The following ATF7IP2 variants were observed in gnomAD, a reference collection of about 807,000 sequenced individuals.
ATF7IP2 encodes the protein activating transcription factor 7-interacting protein 2.
Under a neutral mutation model 64.2 loss-of-function variants are expected in ATF7IP2, and 42 were observed. The observed-to-expected ratio is 0.65, with a 90% CI of 0.51 to 0.85. The LOEUF (loss-of-function observed/expected upper bound fraction) is 0.85, where lower values mean the gene tolerates loss of function less well. Ranked by LOEUF, ATF7IP2 falls within the 40% of genes least tolerant of loss-of-function variation. ATF7IP2 has a pLI of 0.00. For missense variants in ATF7IP2, 933 were observed against 784.2 expected, an observed-to-expected ratio of 1.19 and a Z score of -2.27; for synonymous variants, 308 against 272.8, an observed-to-expected ratio of 1.13 and a Z score of -1.27.
At chr16:10,465,952 G>A (rs1206475641) in intron 9 of ATF7IP2, among the ~76,000 whole-genome samples, 3 of 152,152 alleles carry the variant, frequency 2.0e-5, no homozygotes, top group African/African-American at 7.2e-5. Flanking sequence ...TACATGAACA[G>A]TATGTTAGCC....
intron 12 of ATF7IP2, among the ~76,000 whole-genome samples, chr16:10,477,007 G>A (rs138956897): frequency 6.6e-5 from 10 of 152,178 alleles, no homozygotes; most frequent in Non-Finnish European, 1.2e-4. Flanking sequence ...ATTCCTTTGG[G>A]TAAATACCCA....
chr16:10,481,129 T>C (rs1185800748), intron 13 of ATF7IP2, among the ~76,000 whole-genome samples, 165 bp downstream of exon 13: 2 of 152,226 alleles, frequency 1.3e-5, no homozygotes, highest in African/African-American at 4.8e-5. Flanking sequence ...CAGTTGAGTT[T>C]TACAGAAGCT....
intron 8 of ATF7IP2, among the ~76,000 whole-genome samples, chr16:10,452,972 T>G (rs1041963864): frequency 3.3e-5 from 5 of 152,160 alleles, no homozygotes; most frequent in Non-Finnish European, 5.9e-5. Flanking sequence ...CTCAGACTGC[T>G]GTGCTGGCAG....
rs193117403 is a variant in ATF7IP2, at chr16:10,417,997, C to T, written c.-202-1584C>T. On this transcript the variant is annotated intron_variant, in intron 2 of 13. Transcript: ENST00000562102. ...CCAGTGGCACTAGAGGAATTAAAGA[C>T]ACACACACAGAAATATAGAGTGCGG... Among the ~76,000 whole-genome samples, 245 of 152,276 alleles carry T rather than the reference C, an allele frequency of 1.6e-3. 1 individual carries two copies. The highest frequency in any genetic ancestry group is 5.5e-3 in the African/African-American group (230 of 41,568).
chr16:10,448,263 T>C (rs917795050), intron 8 of ATF7IP2: 1 of 152,266 alleles, frequency 6.6e-6, no homozygotes, highest in Non-Finnish European at 1.5e-5. Flanking sequence ...GGGCTCTTTT[T>C]TGGTTCCATA....
chr16:10,481,876 C>T lies in ATF7IP2; in HGVS notation c.1676C>T (p.Pro559Leu), dbSNP rs1471745382. 1 of 1,608,040 alleles carries T rather than the reference C, an allele frequency of 6.2e-7. No individual in the cohort carries two copies. Among genetic ancestry groups the T allele is most frequent in the Non-Finnish European group, 8.5e-7 (1 of 1,178,210 alleles). Residue 559 changes from proline to leucine, a missense_variant, in exon 14 of 14, where the codon CCA becomes CTA. Pro to Leu is a moderately conservative substitution (Grantham distance 98, BLOSUM62 -3). Coordinates refer to ENST00000562102, the MANE Select transcript of ATF7IP2 (RefSeq NM_001393719.1). ...SFEHLPPLPE[P>L]PAPLPELVDK... is the part of the protein sequence containing the mutation. ...GAGCACCTGCCACCTCTCCCAGAACCACCAGCACCACTACCTGAATTAGTA... is the reference window on the plus strand; with the variant it reads ...GAGCACCTGCCACCTCTCCCAGAACTACCAGCACCACTACCTGAATTAGTA...
At chr16:10,475,605 A>G (rs1348895313) in intron 12 of ATF7IP2, among the ~76,000 whole-genome samples, 1 of 150,238 alleles carries the variant, frequency 6.7e-6, no homozygotes, top group Non-Finnish European at 1.5e-5. Flanking sequence ...AGGCAGGAGA[A>G]TGGCGCGAAC....
chr16:10,390,525 G>A (rs2047301022), intron 1 of ATF7IP2, among the ~76,000 whole-genome samples: 1 of 152,174 alleles, frequency 6.6e-6, no homozygotes. Context: ...ACTCATGCCT[G>A]TAATCCCACC....
At chr16:10,464,022 A>G (rs2049465461) in intron 9 of ATF7IP2, among the ~76,000 whole-genome samples, 1 of 152,178 alleles carries the variant, frequency 6.6e-6, no homozygotes, top group African/African-American at 2.4e-5. Flanking sequence ...GGCTGGGTTG[A>G]CAAATGCCTT....
At chr16:10,397,704 C>G (rs2047446637) in intron 1 of ATF7IP2, among the ~76,000 whole-genome samples, 1 of 151,868 alleles carries the variant, frequency 6.6e-6, no homozygotes, top group African/African-American at 2.4e-5. Context: ...TGGCAAAACC[C>G]TGTCTCTGCA....
intron 1 of ATF7IP2, among the ~76,000 whole-genome samples, chr16:10,407,305 C>A (rs965382888): frequency 1.3e-5 from 2 of 152,130 alleles, no homozygotes; most frequent in Admixed American, 6.6e-5. Context: ...AACTACAAAC[C>A]TTTGGTTTAA....
At position 10,401,390 on chromosome 16, in the gene ATF7IP2, G is replaced by A. The variant is rs558183651; in HGVS notation, c.-241-13184G>A. Among the ~76,000 whole-genome samples the A allele has an allele frequency of 3.9e-5, 6 of 152,058 alleles. No homozygotes were observed. The South Asian group carries it at 8.3e-4, about 21-fold the overall frequency. On this transcript the variant is annotated intron_variant, in intron 1 of 13. Coordinates refer to ENST00000562102, the MANE Select transcript of ATF7IP2 (RefSeq NM_001393719.1). ...TCACCATGTTGGCCAGGCTGGTCTC[G>A]AACTCCTGACCTTGTGATCCGCCCA...
intron 1 of ATF7IP2, among the ~76,000 whole-genome samples, chr16:10,410,951 C>T (rs2047747133): frequency 6.6e-6 from 1 of 152,030 alleles, no homozygotes; most frequent in Admixed American, 6.6e-5. Context: ...AATCCTTTTT[C>T]TGTGTTTATT....
At chr16:10,421,477 T>C (rs1333972848) in intron 3 of ATF7IP2, among the ~76,000 whole-genome samples, 1 of 152,210 alleles carries the variant, frequency 6.6e-6, no homozygotes, top group Non-Finnish European at 1.5e-5. Flanking sequence ...CAGCAGGTTG[T>C]ATCCAATTTA....
At chr16:10,422,921 G>A (rs1236708605) in intron 3 of ATF7IP2, among the ~76,000 whole-genome samples, 1 of 152,184 alleles carries the variant, frequency 6.6e-6, no homozygotes, top group Non-Finnish European at 1.5e-5. Context: ...CTGAATTAAT[G>A]ACTCCTGTAT....
Position 10,438,067 on chromosome 16 carries a change from G to A in ATF7IP2, c.961-34G>A, listed in dbSNP as rs189215864. On this transcript the variant is annotated intron_variant, in intron 6 of 13. Coordinates refer to ENST00000562102, the MANE Select transcript of ATF7IP2 (RefSeq NM_001393719.1). ...GTAAAATTGCTTTTAAATTTGAAAC[G>A]TAGGGTGTTTTGGTTTTTATTTTAA... 2,587 of 1,480,386 alleles carry A rather than the reference G, an allele frequency of 1.7e-3. 1 individual carries two copies. Among genetic ancestry groups the A allele is most frequent in the Non-Finnish European group, 2.2e-3 (2,420 of 1,117,046 alleles). 91.7% of individuals were successfully genotyped at this position (1,480,386 alleles called of 1,614,324 possible). A position where few individuals can be genotyped will look rare whatever the true frequency, so the allele number is the denominator to read the frequency against.
chr16:10,431,195 A>G lies in ATF7IP2; in HGVS notation c.575A>G (p.Lys192Arg). 6.2e-7 allele frequency: 1 copy of G among 1,614,246 alleles called. No homozygotes were observed. Among genetic ancestry groups the G allele is most frequent in the African/African-American group, 1.3e-5 (1 of 75,072 alleles). Residue 192 changes from lysine to arginine, a missense_variant, in exon 5 of 14, where the codon AAG becomes AGG. Transcript: ENST00000562102. The part of the protein sequence containing the change: ...ESTVTSTVGD[K>R]KTDQMVFHLE... ...ACAGTAACCAGTACCGTGGGTGACA[A>G]GAAAACTGACCAGATGGTTTTCCAT...
Position 10,473,479 on chromosome 16 carries a change from A to G in ATF7IP2, c.1427A>G (p.Asp476Gly). The change falls in exon 11 of 14, where the codon GAT becomes GGT. Residue 476 changes from aspartate to glycine, a missense_variant and splice_region_variant. Asp to Gly is a moderately conservative substitution (Grantham distance 94). Coordinates refer to ENST00000562102, the MANE Select transcript of ATF7IP2 (RefSeq NM_001393719.1). ...LTTPITSNPT[D>G]TRKITSGNSS... Reference sequence around the variant, plus strand: ...TTGTCAAATGTCTAATTTCTTTCAGATACCAGAAAAATTACATCAGGAAAT... The same window carrying G: ...TTGTCAAATGTCTAATTTCTTTCAGGTACCAGAAAAATTACATCAGGAAAT... 4 of 1,553,784 alleles carry G rather than the reference A, an allele frequency of 2.6e-6. No individual in the cohort carries two copies. The highest frequency in any genetic ancestry group is 1.7e-4 in the Middle Eastern group (1 of 5,954).
At chr16:10,465,160 CTAA>C (rs1489134064) in intron 9 of ATF7IP2, among the ~76,000 whole-genome samples, 1 of 152,090 alleles carries the variant, frequency 6.6e-6, no homozygotes. Context: ...TTATTTAATC[CTAA>C]TAATAAATGT....
Sources: allele counts gnomAD v4.1 joint callset (sites outside exome capture counted in the v4.1 genomes callset), GRCh38; gene constraint gnomAD v4.1.1; transcripts MANE v1.5; gene names NCBI Gene and HGNC (gene_info 2026-07-23, HGNC 2026-07-21).